Variants in PITPNC1 observed in about 807,000 individuals in gnomAD.
PITPNC1 encodes the protein phosphatidylinositol transfer protein cytoplasmic 1.
PITPNC1 carries 18 observed loss-of-function variants against 44.7 expected under a neutral mutation model. The observed-to-expected ratio is 0.40, with a 90% CI of 0.28 to 0.60. The LOEUF (loss-of-function observed/expected upper bound fraction) is 0.60, where lower values mean the gene tolerates loss of function less well. Ranked by LOEUF, PITPNC1 falls within the 20% of genes least tolerant of loss-of-function variation. PITPNC1 has a pLI of 0.39. For synonymous variants in PITPNC1, 141 were observed against 149.6 expected (o/e 0.94, Z 0.42); for missense variants, 290 against 418.4 (o/e 0.69, Z 2.68).
chr17:67,576,178 A>G (rs986164965), intron 4 of PITPNC1, among the ~76,000 whole-genome samples: 1 of 151,998 alleles, frequency 6.6e-6, no homozygotes, highest in African/African-American at 2.4e-5. Context: ...TGCCTGGCCA[A>G]GTATTTGCAT....
intron 1 of PITPNC1, among the ~76,000 whole-genome samples, chr17:67,434,025 G>C (rs1423581989): frequency 6.6e-6 from 1 of 152,148 alleles, no homozygotes; most frequent in Non-Finnish European, 1.5e-5. Context: ...TCCTGCTCCT[G>C]GGGCTTAGAA....
chr17:67,581,686 T>C (rs1390171404), intron 5 of PITPNC1, among the ~76,000 whole-genome samples: 1 of 152,182 alleles, frequency 6.6e-6, no homozygotes. Context: ...GTTTTACATA[T>C]TCAGCGGCTG....
chr17:67,673,246 C>T lies in PITPNC1; in HGVS notation c.619-2233C>T, dbSNP rs115270739. Among the ~76,000 whole-genome samples the T allele has an allele frequency of 3.4e-3, 519 of 152,262 alleles. 5 individuals carry two copies. The highest frequency in any genetic ancestry group is 0.012 in the African/African-American group (480 of 41,552). ...TATTGAAACATGCTTGAACCTTCCA[C>T]GAGAGGTTTTTCACAATCACTGGAT... is the stretch of plus-strand genomic sequence containing the variant. On this transcript the variant is annotated intron_variant, in intron 7 of 8. Transcript: ENST00000581322.
chr17:67,582,681 A>G (rs192912533), intron 5 of PITPNC1, among the ~76,000 whole-genome samples: 9 of 152,326 alleles, frequency 5.9e-5, no homozygotes, highest in Admixed American at 5.2e-4. Flanking sequence ...AACTGTGATT[A>G]CATTAACCAG....
At chr17:67,578,519 G>T (rs139182356) in intron 5 of PITPNC1, among the ~76,000 whole-genome samples, 1 of 152,232 alleles carries the variant, frequency 6.6e-6, no homozygotes, top group African/African-American at 2.4e-5. Flanking sequence ...TGATTGTCAT[G>T]GAGGTGGAGA....
At chr17:67,651,635 A>T (rs1036875012) in intron 6 of PITPNC1, among the ~76,000 whole-genome samples, 3 of 152,168 alleles carry the variant, frequency 2.0e-5, no homozygotes, top group African/African-American at 7.2e-5. Context: ...CCACAATCAA[A>T]TGTAAAACAT....
intron 1 of PITPNC1, among the ~76,000 whole-genome samples, chr17:67,530,540 T>A (rs1404692129): frequency 6.6e-6 from 1 of 152,214 alleles, no homozygotes; most frequent in Non-Finnish European, 1.5e-5. Context: ...ACATGATTAC[T>A]TCTGTAAAGA....
chr17:67,590,921 C>G (rs1398670361), intron 5 of PITPNC1, among the ~76,000 whole-genome samples: 1 of 151,382 alleles, frequency 6.6e-6, no homozygotes, highest in East Asian at 1.9e-4. Flanking sequence ...CCATTGCACT[C>G]CAGCCTGGGC....
chr17:67,590,314 A>G (rs2041373347), intron 5 of PITPNC1, among the ~76,000 whole-genome samples: 1 of 152,218 alleles, frequency 6.6e-6, no homozygotes, highest in Non-Finnish European at 1.5e-5. Context: ...GACCTTTCCC[A>G]AGGAATTCTC....
chr17:67,494,213 C>CTTTCTTTCT (rs1406690254), intron 1 of PITPNC1, among the ~76,000 whole-genome samples: 2 of 147,044 alleles, frequency 1.4e-5, no homozygotes, highest in East Asian at 2.0e-4. Flanking sequence ...TTCTTTCTTT[C>CTTTCTTTCT]TTTTTGAGAC....
At chr17:67,683,162 CAAAAA>C (rs901577194) in intron 8 of PITPNC1, among the ~76,000 whole-genome samples, 6 of 41,528 alleles carry the variant, frequency 1.4e-4, no homozygotes, top group African/African-American at 3.7e-4. Flanking sequence ...AACTGAGTCT[CAAAAA>C]AAAAAAAAAA....
At chr17:67,502,763 G>GTATTA (rs1306369554) in intron 1 of PITPNC1, among the ~76,000 whole-genome samples, 1 of 148,700 alleles carries the variant, frequency 6.7e-6, no homozygotes, top group Non-Finnish European at 1.5e-5. Context: ...GTATTGTATT[G>GTATTA]TATTGTATTG....
At chr17:67,616,603 T>C (rs151124548) in intron 5 of PITPNC1, among the ~76,000 whole-genome samples, 71 of 152,332 alleles carry the variant, frequency 4.7e-4, no homozygotes, top group African/African-American at 1.7e-3. Flanking sequence ...GTTTACCGTA[T>C]GTGGGACTTC....
intron 2 of PITPNC1, among the ~76,000 whole-genome samples, chr17:67,547,961 T>TG (rs1234914583): frequency 2.0e-5 from 3 of 152,146 alleles, no homozygotes; most frequent in Admixed American, 1.3e-4. Flanking sequence ...GCTGTGGTGG[T>TG]GGGGGGCGGC....
chr17:67,402,481 T>C (rs536931849), intron 1 of PITPNC1, among the ~76,000 whole-genome samples: 195 of 152,194 alleles, frequency 1.3e-3, no homozygotes, highest in African/African-American at 4.4e-3. Context: ...TCAGTTACAC[T>C]TGGTCTTCTC....
chr17:67,395,981 T>C (rs2038214350), intron 1 of PITPNC1, among the ~76,000 whole-genome samples: 2 of 152,232 alleles, frequency 1.3e-5, no homozygotes, highest in Non-Finnish European at 2.9e-5. Context: ...ATCTTTAGAT[T>C]CAGGACTTAA....
At chr17:67,575,866 C>G (rs1440811188) in intron 4 of PITPNC1, among the ~76,000 whole-genome samples, 1 of 21,982 alleles carries the variant, frequency 4.5e-5, no homozygotes, top group Non-Finnish European at 1.1e-4. Flanking sequence ...TTCCTTCCTT[C>G]TTTCTTTCTT....
At chr17:67,538,017 A>G (rs2040553360) in intron 2 of PITPNC1, among the ~76,000 whole-genome samples, 1 of 151,978 alleles carries the variant, frequency 6.6e-6, no homozygotes, top group Non-Finnish European at 1.5e-5. Flanking sequence ...TGTAAAATTC[A>G]TATGAACAAT....
In PITPNC1 at chr17:67,692,798, T is replaced by G. The variant is rs779438438; in HGVS notation, c.909T>G (p.Thr303=). The G allele has an allele frequency of 1.2e-5, 20 of 1,613,506 alleles. No homozygotes were observed. Among genetic ancestry groups the G allele is most frequent in the Middle Eastern group, 1.6e-4 (1 of 6,084 alleles). ...CCCGGAAAAAGTCTGCCCCAGAAAC[T>G]CTCACACTTCCAGACCCTGAGAAAA... ...DRPRKKSAPE[T]LTLPDPEKKA... is the part of the protein sequence containing the mutation. The change falls in exon 9 of 9, where the codon ACT becomes ACG. Residue 303 remains threonine, a synonymous_variant. Transcript: ENST00000581322.
Sources: gnomAD v4.1 joint callset for allele counts (sites outside exome capture counted in the v4.1 genomes callset) on GRCh38, gnomAD v4.1.1 for gene constraint, MANE v1.5 for transcripts, NCBI Gene and HGNC (gene_info 2026-07-23, HGNC 2026-07-21) for gene names.